The following CSMD1 variants were observed in gnomAD, a reference collection of about 807,000 sequenced individuals.
The protein encoded by CSMD1 is CUB and sushi domain-containing protein 1.
A neutral mutation model predicts 417.5 loss-of-function variants in CSMD1; 213 were observed. That is an observed-to-expected ratio of 0.51 (90% confidence interval 0.46 to 0.57). The LOEUF (loss-of-function observed/expected upper bound fraction) is 0.57. Ranked by LOEUF, CSMD1 falls within the 20% of genes least tolerant of loss-of-function variation. The probability of loss-of-function intolerance (pLI) is 0.00; values close to 1 mark genes in which losing one functional copy is unlikely to be tolerated. For synonymous variants in CSMD1, 2,862 were observed against 1,736.8 expected (o/e 1.65, Z -16.11); for missense variants, 6,923 against 4,529.7 (o/e 1.53, Z -15.17).
chr8:3,172,305 A>T (rs1489385948), intron 37 of CSMD1, among the ~76,000 whole-genome samples: 1 of 151,528 alleles, frequency 6.6e-6, no homozygotes, highest in East Asian at 1.9e-4. Context: ...GGGTCTCTGT[A>T]TTGATATTTT....
intron 5 of CSMD1, among the ~76,000 whole-genome samples, chr8:3,831,530 T>C (rs1802376457): frequency 6.6e-6 from 1 of 152,156 alleles, no homozygotes; most frequent in East Asian, 1.9e-4. Context: ...GAGAACAGGC[T>C]GGAGGAAAAT....
At chr8:4,057,812 T>C (rs1256325986) in intron 3 of CSMD1, among the ~76,000 whole-genome samples, 1 of 152,204 alleles carries the variant, frequency 6.6e-6, no homozygotes, top group Non-Finnish European at 1.5e-5. Flanking sequence ...ATTGCTTGTT[T>C]TTGTCAGGTT....
intron 7 of CSMD1, among the ~76,000 whole-genome samples, chr8:3,694,891 T>C (rs577911815): frequency 1.3e-5 from 2 of 152,084 alleles, no homozygotes; most frequent in South Asian, 4.1e-4. Flanking sequence ...GGATTCATTC[T>C]GGGTGTGAGG....
At chr8:4,065,440 T>C (rs1179860846) in intron 3 of CSMD1, among the ~76,000 whole-genome samples, 1 of 152,232 alleles carries the variant, frequency 6.6e-6, no homozygotes, top group Non-Finnish European at 1.5e-5. Context: ...TGAATCAATA[T>C]AATAGGAAAT....
At chr8:4,446,196 T>C (rs984810708) in intron 2 of CSMD1, among the ~76,000 whole-genome samples, 5 of 152,166 alleles carry the variant, frequency 3.3e-5, no homozygotes, top group Admixed American at 1.3e-4. Context: ...ACAAAAGACA[T>C]TTTGTTTTTT....
chr8:3,272,211 A>T (rs886677737), intron 26 of CSMD1, among the ~76,000 whole-genome samples: 22 of 146,950 alleles, frequency 1.5e-4, no homozygotes, highest in South Asian at 4.5e-4. Context: ...TGCTTGTTTT[A>T]CTCAGGTTTG....
chr8:3,985,462 C>T (rs1457196630), intron 5 of CSMD1, among the ~76,000 whole-genome samples: 1 of 152,168 alleles, frequency 6.6e-6, no homozygotes, highest in Non-Finnish European at 1.5e-5. Flanking sequence ...CACACTCACA[C>T]ATTTTAGAAC....
chr8:4,117,287 G>A (rs933333908), intron 3 of CSMD1, among the ~76,000 whole-genome samples: 5 of 151,226 alleles, frequency 3.3e-5, no homozygotes, highest in Non-Finnish European at 7.4e-5. Flanking sequence ...GAAGCAGCAT[G>A]CGTGGCTGGC....
intron 28 of CSMD1, among the ~76,000 whole-genome samples, chr8:3,221,331 TA>T (rs1246884480): frequency 6.6e-6 from 1 of 152,126 alleles, no homozygotes; most frequent in African/African-American, 2.4e-5. Flanking sequence ...GAAGAAGGAA[TA>T]AAAGGTTGGA....
At chr8:4,600,791 C>G (rs577262858) in intron 2 of CSMD1, among the ~76,000 whole-genome samples, 1 of 151,998 alleles carries the variant, frequency 6.6e-6, no homozygotes. Context: ...TAACTTCAGA[C>G]GTAAGAAATC....
chr8:4,129,516 A>T (rs1384746962), intron 3 of CSMD1, among the ~76,000 whole-genome samples: 1 of 152,190 alleles, frequency 6.6e-6, no homozygotes, highest in East Asian at 1.9e-4. Flanking sequence ...ACATTTTGCC[A>T]GGGCATAGGA....
chr8:4,455,342 A>C (rs916226128), intron 2 of CSMD1, among the ~76,000 whole-genome samples: 3 of 152,188 alleles, frequency 2.0e-5, no homozygotes, highest in Non-Finnish European at 4.4e-5. Context: ...GTAACAAGCA[A>C]ACTAAGTGAC....
chr8:3,561,411 A>G lies in CSMD1; in HGVS notation c.1344+13534T>C, dbSNP rs141109636. ...TGTCCAACAATGGTTGATCAGATAA[A>G]GAAAATGCGGTATCTTTACACCATG... On this transcript the variant is annotated intron_variant, in intron 10 of 69. Coordinates refer to ENST00000635120, the MANE Select transcript of CSMD1 (RefSeq NM_033225.6). 6.1e-3 allele frequency among the ~76,000 whole-genome samples: 929 copies of G among 152,340 alleles called. 12 individuals carry two copies. The highest frequency in any genetic ancestry group is 0.021 in the African/African-American group (868 of 41,586).
intron 12 of CSMD1, among the ~76,000 whole-genome samples, chr8:3,416,027 C>A (rs1020262845): frequency 6.6e-6 from 1 of 152,048 alleles, no homozygotes; most frequent in Non-Finnish European, 1.5e-5. Flanking sequence ...CTTGGCTGGG[C>A]GCGGCGGCTC....
chr8:3,422,284 C>G (rs1813543829), intron 12 of CSMD1, among the ~76,000 whole-genome samples: 1 of 152,068 alleles, frequency 6.6e-6, no homozygotes, highest in African/African-American at 2.4e-5. Context: ...ATTCTGGGTA[C>G]CTGATCAATG....
chr8:4,546,421 G>A (rs773686182), intron 2 of CSMD1, among the ~76,000 whole-genome samples: 10 of 152,218 alleles, frequency 6.6e-5, no homozygotes, highest in Admixed American at 2.0e-4. Context: ...AGTTTGAATC[G>A]GCAGACTGAG....
At position 3,468,783 on chromosome 8, in the gene CSMD1, C is replaced by G. The variant is rs1248687703; in HGVS notation, c.1490G>C (p.Ser497Thr). The G allele has an allele frequency of 1.2e-6, 2 of 1,604,914 alleles. No homozygotes were observed. Among genetic ancestry groups the G allele is most frequent in the Admixed American group, 1.7e-5 (1 of 58,920 alleles). Residue 497 changes from serine (S) to threonine (T), a missense_variant, in exon 12 of 70, where the codon AGC becomes ACC. By Grantham distance (58) the Ser-to-Thr change is moderately conservative. Coordinates refer to ENST00000635120, the MANE Select transcript of CSMD1 (RefSeq NM_033225.6). Reference sequence around the variant, plus strand: ...CTGCAGATGTAGCCACATCTGGTTGCTCATGCTCACAATGAGGTCAGGAAC... The same window carrying G: ...CTGCAGATGTAGCCACATCTGGTTGGTCATGCTCACAATGAGGTCAGGAAC... ...SSVPDLIVSM[S>T]NQMWLHLQSD...
intron 2 of CSMD1, among the ~76,000 whole-genome samples, chr8:4,487,589 A>T (rs1256677445): frequency 6.6e-6 from 1 of 152,164 alleles, no homozygotes; most frequent in African/African-American, 2.4e-5. Flanking sequence ...GGTTGGTTCC[A>T]AGTCTTTGCT....
intron 3 of CSMD1, among the ~76,000 whole-genome samples, chr8:4,218,116 C>T (rs377668120): frequency 1.3e-5 from 2 of 152,130 alleles, no homozygotes; most frequent in African/African-American, 4.8e-5. Context: ...TTGGCGATGA[C>T]CTTGAACAGC....
Sources: allele counts gnomAD v4.1 joint callset (sites outside exome capture counted in the v4.1 genomes callset), GRCh38; gene constraint gnomAD v4.1.1; transcripts MANE v1.5; gene names NCBI Gene and HGNC (gene_info 2026-07-23, HGNC 2026-07-21).